VAPA: variants seen among roughly 807,000 people sequenced by gnomAD.
VAPA encodes the protein vesicle-associated membrane protein-associated protein A.
A neutral mutation model predicts 25.6 loss-of-function variants in VAPA; 6 were observed. The observed-to-expected ratio is 0.23, with a 90% CI of 0.13 to 0.46. VAPA has a LOEUF of 0.46. Ranked by LOEUF, VAPA falls within the 20% of genes least tolerant of loss-of-function variation. The pLI is 0.99. For missense variants in VAPA, 244 were observed against 302.1 expected (o/e 0.81, Z 1.43); for synonymous variants, 112 against 106.2 (o/e 1.05, Z -0.34).
intron 2 of VAPA, among the ~76,000 whole-genome samples, chr18:9,933,855 C>T (rs1342579845): frequency 6.6e-6 from 1 of 152,132 alleles, no homozygotes; most frequent in Non-Finnish European, 1.5e-5. Flanking sequence ...ATAATTATTT[C>T]AATCCACATG....
In VAPA at chr18:9,957,648, C is replaced by T. The variant is rs560177203; in HGVS notation, c.*3437C>T. On this transcript the variant is annotated 3_prime_UTR_variant, in exon 6 of 6. Coordinates refer to ENST00000400000, the MANE Select transcript of VAPA (RefSeq NM_194434.3). ...AAGGTAAATGATCTTTATTTTCTAG[C>T]TTTAAAGGGAAATTAAACCATTCAT... is the stretch of plus-strand genomic sequence containing the variant. 5 of 152,160 alleles carry T rather than the reference C, an allele frequency of 3.3e-5. No individual in the cohort carries two copies. Among genetic ancestry groups the T allele is most frequent in the African/African-American group, 1.2e-4 (5 of 41,412 alleles). 9.4% of individuals were successfully genotyped at this position (152,160 alleles called of 1,614,324 possible). A position where few individuals can be genotyped will look rare whatever the true frequency, so the allele number is the denominator to read the frequency against.
chr18:9,945,044 C>A, intron 4 of VAPA: 2 of 1,613,998 alleles, frequency 1.2e-6, no homozygotes. Flanking sequence ...TGTGTTGAAA[C>A]AGGAGAAACA....
chr18:9,954,248 T>TC lies in VAPA; in HGVS notation c.*37_*38insC, dbSNP rs1350840582. The TC allele has an allele frequency of 1.9e-6, 3 of 1,549,626 alleles. No homozygotes were observed. In the African/African-American group the frequency reaches 4.2e-5, roughly 22 times the overall value. ...CAGAGTGCTGTTTCTTTTTTTTTTT[T>TC]TCTCTTGACCAGAAAAAGATTTGTT... is the stretch of plus-strand genomic sequence containing the variant. On this transcript the variant is annotated 3_prime_UTR_variant, in exon 6 of 6. Transcript: ENST00000400000.
intron 4 of VAPA, among the ~76,000 whole-genome samples, chr18:9,943,382 A>G (rs1170720151): frequency 6.6e-6 from 1 of 151,730 alleles, no homozygotes; most frequent in Non-Finnish European, 1.5e-5. Flanking sequence ...AACAAGCATA[A>G]GCAAATACCA....
At chr18:9,948,013 A>G (rs2069443909) in intron 4 of VAPA, 1 of 152,146 alleles carries the variant, frequency 6.6e-6, no homozygotes, top group African/African-American at 2.4e-5. Context: ...TATGTGATAT[A>G]ACTTATTGGG....
chr18:9,946,014 TTA>T (rs1489088009), intron 4 of VAPA, among the ~76,000 whole-genome samples: 1 of 152,190 alleles, frequency 6.6e-6, no homozygotes, highest in Non-Finnish European at 1.5e-5. Flanking sequence ...AGGCCCACGT[TTA>T]TGTCTTTTAT....
chr18:9,935,416 A>G (rs2069299241), intron 2 of VAPA, among the ~76,000 whole-genome samples: 1 of 152,214 alleles, frequency 6.6e-6, no homozygotes, highest in African/African-American at 2.4e-5. Context: ...CTACAAAAAA[A>G]TACAAAAATT....
chr18:9,936,312 TA>T (rs1259906514), intron 3 of VAPA, 99 bp downstream of exon 3: 1 of 722,642 alleles, frequency 1.4e-6, no homozygotes. Flanking sequence ...AACTAAAAGT[TA>T]AATTTAGGTT....
intron 4 of VAPA, among the ~76,000 whole-genome samples, chr18:9,943,266 A>G (rs144348704): frequency 6.6e-6 from 1 of 152,326 alleles, no homozygotes; most frequent in Admixed American, 6.5e-5. Context: ...AGTATGGGCT[A>G]CTTTTTGGGA....
chr18:9,930,740 T>G (rs1375171827), intron 1 of VAPA, among the ~76,000 whole-genome samples: 1 of 152,056 alleles, frequency 6.6e-6, no homozygotes, highest in Non-Finnish European at 1.5e-5. Flanking sequence ...TAAAATGCTT[T>G]CTTTTCTATA....
At chr18:9,930,345 A>G (rs780728974) in intron 1 of VAPA, among the ~76,000 whole-genome samples, 35 of 152,154 alleles carry the variant, frequency 2.3e-4, no homozygotes, top group Non-Finnish European at 4.0e-4. Flanking sequence ...GTCCTAGTCA[A>G]AATAGTCCTA....
At chr18:9,921,991 A>AT (rs2069160472) in intron 1 of VAPA, among the ~76,000 whole-genome samples, 1 of 151,906 alleles carries the variant, frequency 6.6e-6, no homozygotes, top group Non-Finnish European at 1.5e-5. Flanking sequence ...CCATGTTTGT[A>AT]TTTTTTTGCA....
rs1023308064 is a variant in VAPA at position 9,955,947 on chromosome 18, T to C, written c.*1736T>C. ...GAAAAGCATGCTAAAAATAGTCTTA[T>C]ATTTTCACCCCATAAATGCAGAATC... On this transcript the variant is annotated 3_prime_UTR_variant, in exon 6 of 6. Transcript: ENST00000400000. 2.0e-5 allele frequency: 3 copies of C among 152,246 alleles called. No individual in the cohort carries two copies. The highest frequency in any genetic ancestry group is 4.8e-5 in the African/African-American group (2 of 41,472). 9.4% of individuals were successfully genotyped at this position (152,246 alleles called of 1,614,324 possible).
intron 4 of VAPA, among the ~76,000 whole-genome samples, chr18:9,938,601 G>T (rs1046132119): frequency 6.6e-6 from 1 of 152,164 alleles, no homozygotes; most frequent in African/African-American, 2.4e-5. Flanking sequence ...TTTGAGCCTG[G>T]AACCTTTTCA....
intron 1 of VAPA, chr18:9,915,813 C>T (rs1235739379): frequency 1.3e-5 from 2 of 152,124 alleles, no homozygotes; most frequent in African/African-American, 2.4e-5. Flanking sequence ...AAGTGAGCTA[C>T]TTGTTGGGTA....
intron 4 of VAPA, among the ~76,000 whole-genome samples, chr18:9,940,229 T>C (rs187731231): frequency 3.3e-4 from 51 of 152,296 alleles, no homozygotes; most frequent in Admixed American, 1.1e-3. Context: ...TTATTATTAT[T>C]GTTGATGCTC....
In VAPA at chr18:9,955,365, T is replaced by G. The variant is rs535124567; in HGVS notation, c.*1154T>G. 5.3e-5 allele frequency: 8 copies of G among 152,344 alleles called. No individual in the cohort carries two copies. Among genetic ancestry groups the G allele is most frequent in the Non-Finnish European group, 1.0e-4 (7 of 68,034 alleles). 9.4% of individuals were successfully genotyped at this position (152,344 alleles called of 1,614,324 possible). On this transcript the variant is annotated 3_prime_UTR_variant, in exon 6 of 6. Coordinates refer to ENST00000400000, the MANE Select transcript of VAPA (RefSeq NM_194434.3). Reference sequence around the variant, plus strand: ...GAAAAATGATTTTAGCCTTTGCAAATGTTAACCATGTGAAACACATTTTCA... The same window carrying G: ...GAAAAATGATTTTAGCCTTTGCAAAGGTTAACCATGTGAAACACATTTTCA...
At chr18:9,945,968 G>A (rs13381580) in intron 4 of VAPA, among the ~76,000 whole-genome samples, 2,005 of 152,188 alleles carry the variant, frequency 0.013, 53 homozygotes, top group African/African-American at 0.044. Flanking sequence ...CTTTATGTGC[G>A]TTTTTATCCA....
At chr18:9,950,331 A>T in intron 4 of VAPA, 64 bp from the exon 5 acceptor site, 1 of 1,532,652 alleles carries the variant, frequency 6.5e-7, no homozygotes, top group Non-Finnish European at 8.9e-7. Context: ...TTATATTGTT[A>T]TTTGTTTAAA....
Sources: allele counts gnomAD v4.1 joint callset (sites outside exome capture counted in the v4.1 genomes callset), GRCh38; gene constraint gnomAD v4.1.1; transcripts MANE v1.5; gene names NCBI Gene and HGNC (gene_info 2026-07-23, HGNC 2026-07-21).